The following CDH9 variants were observed in gnomAD, a reference collection of about 807,000 sequenced individuals.
CDH9 encodes cadherin 9, also known as cadherin-9.
Under a neutral mutation model 70.9 loss-of-function variants are expected in CDH9, and 28 were observed. The ratio of observed to expected loss-of-function variants is 0.40; its 90% confidence interval spans 0.29 to 0.54. CDH9 has a LOEUF of 0.54. Ranked by LOEUF, CDH9 falls within the 20% of genes least tolerant of loss-of-function variation. CDH9 has a pLI of 0.59. For missense variants in CDH9, 874 were observed against 984.4 expected, an observed-to-expected ratio of 0.89 and a Z score of 1.50; for synonymous variants, 409 against 343.1, an observed-to-expected ratio of 1.19 and a Z score of -2.12.
chr5:26,898,511 A>G (rs1055132073), intron 7 of CDH9, among the ~76,000 whole-genome samples: 1 of 152,136 alleles, frequency 6.6e-6, no homozygotes. Flanking sequence ...GCCAGCAATA[A>G]TGCCACATAT....
intron 7 of CDH9, among the ~76,000 whole-genome samples, chr5:26,902,166 G>T (rs971301947): frequency 5.3e-5 from 8 of 151,792 alleles, no homozygotes; most frequent in Non-Finnish European, 1.2e-4. Context: ...TAAACAATGG[G>T]CAAATTACTT....
chr5:26,951,984 A>ATTTTT (rs1741853365), intron 2 of CDH9, among the ~76,000 whole-genome samples: 1 of 147,990 alleles, frequency 6.8e-6, no homozygotes, highest in Non-Finnish European at 1.5e-5. Context: ...ATTTTATTTT[A>ATTTTT]TTTTATTTTA....
intron 7 of CDH9, among the ~76,000 whole-genome samples, chr5:26,892,049 C>T (rs943146823): frequency 6.6e-6 from 1 of 152,134 alleles, no homozygotes; most frequent in South Asian, 2.1e-4. Flanking sequence ...GAGACACATA[C>T]TGAACTTCTG....
At chr5:26,902,953 T>C (rs560536904) in intron 6 of CDH9, 47 of 423,672 alleles carry the variant, frequency 1.1e-4, no homozygotes, top group African/African-American at 1.0e-4. Flanking sequence ...TTGAGATTGA[T>C]TCTCACTTAG....
chr5:26,883,041 T>TTAGAGATATATATA (rs1221330777), intron 11 of CDH9, among the ~76,000 whole-genome samples: 7 of 58,024 alleles, frequency 1.2e-4, no homozygotes, highest in Admixed American at 2.2e-4. Context: ...CAGGATCATC[T>TTAGAGATATATATA]TATATATATA....
rs769483643 is a variant in CDH9, at chr5:26,890,424, T to G, written c.1390+4A>C. ...GTCTTCGGGTAGATGTAGCTCCAAC[T>G]TACTTATTTCTGTGGCTGTAACAGT... On this transcript the variant is annotated splice_donor_region_variant and intron_variant, in intron 8 of 11. Transcript: ENST00000231021. 2 of 1,613,146 alleles carry G rather than the reference T, an allele frequency of 1.2e-6. No homozygotes were observed. Among genetic ancestry groups the G allele is most frequent in the Non-Finnish European group, 1.7e-6 (2 of 1,179,154 alleles).
At chr5:26,988,960 TC>T (rs1233987155) in intron 1 of CDH9, among the ~76,000 whole-genome samples, 1 of 152,052 alleles carries the variant, frequency 6.6e-6, no homozygotes, top group East Asian at 1.9e-4. Flanking sequence ...ACCATGTCGA[TC>T]TTTTCCAATC....
rs905306138 is a variant in CDH9 at position 26,881,277 on chromosome 5, A to T, written c.2229T>A (p.Asn743Lys). 1 of 1,613,566 alleles carries T rather than the reference A, an allele frequency of 6.2e-7. No homozygotes were observed. The highest frequency in any genetic ancestry group is 1.7e-5 in the Admixed American group (1 of 59,930). ...DSLATYAYEG[N>K]DSIADSLSSL... ...AACTGAGCGAATCTGCTATGGAATC[A>T]TTCCCTTCATAGGCATACGTTGCCA... The change falls in exon 12 of 12, where the codon AAT becomes AAA. Residue 743 changes from asparagine (N) to lysine (K), a missense_variant. Physicochemically the swap from Asn to Lys is moderately conservative, Grantham distance 94. Coordinates refer to ENST00000231021, the MANE Select transcript of CDH9 (RefSeq NM_016279.4).
intron 11 of CDH9, among the ~76,000 whole-genome samples, chr5:26,882,882 C>A (rs1740490246): frequency 6.6e-6 from 1 of 151,068 alleles, no homozygotes; most frequent in African/African-American, 2.4e-5. Flanking sequence ...GCCCCTATAA[C>A]TACACTAAAG....
At chr5:26,894,028 A>G (rs909262146) in intron 7 of CDH9, among the ~76,000 whole-genome samples, 1 of 152,180 alleles carries the variant, frequency 6.6e-6, no homozygotes, top group African/African-American at 2.4e-5. Context: ...CCTTAGCTAC[A>G]CAAATTCTGC....
At chr5:26,970,396 T>C (rs1195425118) in intron 2 of CDH9, among the ~76,000 whole-genome samples, 2 of 152,026 alleles carry the variant, frequency 1.3e-5, no homozygotes, top group African/African-American at 4.8e-5. Flanking sequence ...CCTATTAGGT[T>C]TATCTATAGT....
At chr5:26,908,380 C>T (rs1740986332) in intron 3 of CDH9, among the ~76,000 whole-genome samples, 1 of 151,652 alleles carries the variant, frequency 6.6e-6, no homozygotes, top group African/African-American at 2.4e-5. Context: ...TTTATATAAC[C>T]CTATGTGATA....
intron 1 of CDH9, among the ~76,000 whole-genome samples, chr5:26,998,858 A>G (rs1742714932): frequency 6.6e-6 from 1 of 152,206 alleles, no homozygotes. Context: ...CCTTAAGATT[A>G]CACAAGATTT....
chr5:27,024,961 G>A (rs1158702370), intron 1 of CDH9, among the ~76,000 whole-genome samples: 1 of 152,032 alleles, frequency 6.6e-6, no homozygotes, highest in African/African-American at 2.4e-5. Flanking sequence ...GATTTAGTAT[G>A]ATAGTTAAGC....
chr5:26,944,902 G>A (rs1045010368), intron 2 of CDH9, among the ~76,000 whole-genome samples: 2 of 151,982 alleles, frequency 1.3e-5, no homozygotes, highest in African/African-American at 2.4e-5. Context: ...AAAATTATAT[G>A]AGAATAAAGC....
At chr5:27,004,681 C>A (rs1348025744) in intron 1 of CDH9, among the ~76,000 whole-genome samples, 1 of 152,098 alleles carries the variant, frequency 6.6e-6, no homozygotes, top group African/African-American at 2.4e-5. Context: ...ATGAGAGACA[C>A]ATGAGATGTT....
At chr5:26,921,666 T>C (rs1200772275) in intron 2 of CDH9, among the ~76,000 whole-genome samples, 1 of 152,198 alleles carries the variant, frequency 6.6e-6, no homozygotes, top group Admixed American at 6.5e-5. Context: ...TGCCTCATCT[T>C]TGAGTGTACT....
chr5:27,033,840 T>G (rs1743348671), intron 1 of CDH9, among the ~76,000 whole-genome samples: 1 of 151,588 alleles, frequency 6.6e-6, no homozygotes, highest in Non-Finnish European at 1.5e-5. Flanking sequence ...CTTTTAAGAC[T>G]GAATTCCCAG....
At chr5:26,899,738 A>G (rs1272230906) in intron 7 of CDH9, among the ~76,000 whole-genome samples, 3 of 151,860 alleles carry the variant, frequency 2.0e-5, no homozygotes, top group Non-Finnish European at 4.4e-5. Flanking sequence ...GAGCTAGGGG[A>G]GGGATAGCAT....
Sources: allele counts gnomAD v4.1 joint callset (sites outside exome capture counted in the v4.1 genomes callset), GRCh38; gene constraint gnomAD v4.1.1; transcripts MANE v1.5; gene names NCBI Gene and HGNC (gene_info 2026-07-23, HGNC 2026-07-21).